Variants in DLG2 observed in about 807,000 individuals in gnomAD.
DLG2 encodes the protein disks large homolog 2.
DLG2 carries 45 observed loss-of-function variants against 132.5 expected under a neutral mutation model. That is an observed-to-expected ratio of 0.34 (90% CI 0.27 to 0.44). The LOEUF (loss-of-function observed/expected upper bound fraction) is 0.44. Among genes scored for constraint, DLG2 ranks in the 20% least tolerant of loss-of-function variants. The pLI, the probability that DLG2 is intolerant of heterozygous loss-of-function variation, is 1.00. For missense variants in DLG2, 1,045 were observed against 1,196.9 expected (o/e 0.87, Z 1.87); for synonymous variants, 424 against 419.6 (o/e 1.01, Z -0.13).
intron 5 of DLG2, among the ~76,000 whole-genome samples, chr11:85,139,452 A>G (rs1268404271): frequency 6.6e-6 from 1 of 152,106 alleles, no homozygotes; most frequent in East Asian, 1.9e-4. Flanking sequence ...GTATTTACAA[A>G]CATACACATA....
chr11:85,465,148 T>TA lies in DLG2; in HGVS notation c.40+133508_40+133509insT, dbSNP rs200091561. Among the ~76,000 whole-genome samples, 172 of 98,838 alleles carry TA rather than the reference T, an allele frequency of 1.7e-3. 1 individual carries two copies. The highest frequency in any genetic ancestry group is 4.4e-3 in the African/African-American group (98 of 22,096). 64.8% of individuals were successfully genotyped at this position (98,838 alleles called of 152,430 possible). A position where few individuals can be genotyped will look rare whatever the true frequency, so the allele number is the denominator to read the frequency against. ...GCAAGATGGAGTCAACAATATAAGA[T>TA]TTTTTTTTTTTTGAAACAGGGTCTT... On this transcript the variant is annotated intron_variant, in intron 3 of 27. Coordinates refer to ENST00000376104, the MANE Select transcript of DLG2 (RefSeq NM_001142699.3).
At chr11:85,285,193 G>A in intron 4 of DLG2, 27 bp downstream of exon 4, 1 of 1,601,334 alleles carries the variant, frequency 6.2e-7, no homozygotes, top group Non-Finnish European at 8.5e-7. Context: ...GTATTATTCA[G>A]TTCTTTTGGA....
chr11:84,729,862 G>A (rs759613643), intron 6 of DLG2, among the ~76,000 whole-genome samples: 23 of 151,996 alleles, frequency 1.5e-4, no homozygotes, highest in Admixed American at 5.9e-4. Context: ...TCCCCTCCCT[G>A]CCACCTCCTA....
intron 6 of DLG2, among the ~76,000 whole-genome samples, chr11:84,696,534 G>A (rs1287097237): frequency 6.6e-6 from 1 of 151,418 alleles, no homozygotes; most frequent in Non-Finnish European, 1.5e-5. Flanking sequence ...AAGGTGAGCA[G>A]TATATGCCAT....
At chr11:85,024,546 A>G (rs1266178624) in intron 6 of DLG2, among the ~76,000 whole-genome samples, 1 of 152,198 alleles carries the variant, frequency 6.6e-6, no homozygotes, top group Non-Finnish European at 1.5e-5. Flanking sequence ...CTGAAGCCCA[A>G]AAGAAACGAA....
intron 4 of DLG2, among the ~76,000 whole-genome samples, chr11:85,198,593 T>C (rs577418935): frequency 6.6e-6 from 1 of 152,270 alleles, no homozygotes; most frequent in East Asian, 1.9e-4. Context: ...AAAATGTTTA[T>C]ATTTAGTAAC....
At chr11:85,252,012 T>G (rs2076419787) in intron 4 of DLG2, among the ~76,000 whole-genome samples, 1 of 152,080 alleles carries the variant, frequency 6.6e-6, no homozygotes, top group African/African-American at 2.4e-5. Context: ...GATAACAAAA[T>G]AGCAAGAGCA....
chr11:85,191,199 C>CACAG lies in DLG2; in HGVS notation c.187-36549_187-36548insCTGT, dbSNP rs1555395244. The stretch of plus-strand genomic sequence containing the variant: ...ACACACACACACACACACACACACA[C>CACAG]ACACACGTTTGGATATATTCCCAAT... On this transcript the variant is annotated intron_variant, in intron 4 of 27. Coordinates refer to ENST00000376104, the MANE Select transcript of DLG2 (RefSeq NM_001142699.3). Among the ~76,000 whole-genome samples the CACAG allele has an allele frequency of 1.6e-3, 243 of 151,156 alleles. 1 individual carries two copies. Among genetic ancestry groups the CACAG allele is most frequent in the South Asian group, 2.5e-3 (12 of 4,770 alleles).
chr11:83,994,967 G>T (rs1193817569), intron 11 of DLG2, among the ~76,000 whole-genome samples: 1 of 148,178 alleles, frequency 6.7e-6, no homozygotes, highest in Admixed American at 6.7e-5. Context: ...GTGCATGTCT[G>T]TTTCTGTGTC....
intron 7 of DLG2, among the ~76,000 whole-genome samples, chr11:84,429,651 C>T (rs745371051): frequency 4.1e-4 from 62 of 152,216 alleles, no homozygotes; most frequent in African/African-American, 1.2e-3. Flanking sequence ...TTTTTTAAAG[C>T]GGGATGGCTT....
chr11:85,102,103 T>TA (rs991827198), intron 6 of DLG2, among the ~76,000 whole-genome samples: 11 of 151,744 alleles, frequency 7.2e-5, no homozygotes, highest in South Asian at 2.1e-4. Context: ...CATAGCTAAT[T>TA]AAAAAAAAGC....
At chr11:84,849,985 G>A (rs10898308) in intron 6 of DLG2, among the ~76,000 whole-genome samples, 78,338 of 151,852 alleles carry the variant, frequency 0.52, 21,464 homozygotes, top group African/African-American at 0.69. Flanking sequence ...TCCAGAAAAC[G>A]ATTTTCTTTT....
chr11:84,961,791 A>G lies in DLG2; in HGVS notation c.357+149870T>C, dbSNP rs1338395690. Among the ~76,000 whole-genome samples, 9 of 152,352 alleles carry G rather than the reference A, an allele frequency of 5.9e-5. No homozygotes were observed. In the East Asian group the frequency reaches 1.2e-3, roughly 20 times the overall value. On this transcript the variant is annotated intron_variant, in intron 6 of 27. Transcript: ENST00000376104. ...TTTCAAGCACTACGCAAATGAATGCATAAGTATAATGACAGACAAAACTAA... is the reference window on the plus strand; with the variant it reads ...TTTCAAGCACTACGCAAATGAATGCGTAAGTATAATGACAGACAAAACTAA...
At chr11:84,450,588 T>C (rs1602350491) in intron 7 of DLG2, among the ~76,000 whole-genome samples, 1 of 151,416 alleles carries the variant, frequency 6.6e-6, no homozygotes. Context: ...ATGATGAAGG[T>C]GGTAGAAATA....
Position 83,480,405 on chromosome 11 carries a change from A to G in DLG2, c.2293+3724T>C. ...CTTTCGCTATCGCTGGCATTAGAAG[A>G]AACATGTTCTGCAAGAACAGCACAG... On this transcript the variant is annotated intron_variant, in intron 22 of 27. Transcript: ENST00000376104. 7 of 1,535,472 alleles carry G rather than the reference A, an allele frequency of 4.6e-6. 1 individual carries two copies. In the Middle Eastern group the frequency reaches 5.0e-4, roughly 110 times the overall value.
intron 15 of DLG2, among the ~76,000 whole-genome samples, chr11:83,878,019 T>G (rs1240348466): frequency 6.6e-6 from 1 of 152,180 alleles, no homozygotes; most frequent in Non-Finnish European, 1.5e-5. Context: ...CTCTTTCACC[T>G]CCTCAGGAAG....
At position 85,322,422 on chromosome 11, in the gene DLG2, A is replaced by AG. The variant is rs138433099; in HGVS notation, c.41-37058dup. Among the ~76,000 whole-genome samples the AG allele has an allele frequency of 9.1e-3, 1,384 of 152,276 alleles. 20 individuals carry two copies. The highest frequency in any genetic ancestry group is 0.03 in the African/African-American group (1,242 of 41,554). ...ACCTATACTAGCATCTTGGCTGCTG[A>AG]GCACAGTTTAAGTAAAATCACACAA... On this transcript the variant is annotated intron_variant, in intron 3 of 27. Transcript: ENST00000376104.
chr11:85,564,850 A>G (rs1377201352), intron 3 of DLG2, among the ~76,000 whole-genome samples: 1 of 152,026 alleles, frequency 6.6e-6, no homozygotes, highest in Non-Finnish European at 1.5e-5. Flanking sequence ...CATCTTAACA[A>G]TATTGAATTT....
intron 3 of DLG2, among the ~76,000 whole-genome samples, chr11:85,487,008 G>A (rs1365129817): frequency 6.7e-6 from 1 of 149,178 alleles, no homozygotes; most frequent in Non-Finnish European, 1.5e-5. Context: ...AAACCACCGA[G>A]AAGTTCAAGA....
Sources: allele counts gnomAD v4.1 joint callset (sites outside exome capture counted in the v4.1 genomes callset), GRCh38; gene constraint gnomAD v4.1.1; transcripts MANE v1.5; gene names NCBI Gene and HGNC (gene_info 2026-07-23, HGNC 2026-07-21).